TAOK1: variants seen among roughly 807,000 people sequenced by gnomAD.
The protein encoded by TAOK1 is serine/threonine-protein kinase TAO1.
Under a neutral mutation model 138.3 loss-of-function variants are expected in TAOK1, and 21 were observed. The ratio of observed to expected loss-of-function variants is 0.15; its 90% CI spans 0.11 to 0.22. TAOK1 has a LOEUF of 0.22. Ranked by LOEUF, TAOK1 falls within the 10% of genes least tolerant of loss-of-function variation. TAOK1 has a pLI of 1.00. For synonymous variants in TAOK1, 361 were observed against 398.4 expected, an observed-to-expected ratio of 0.91 and a Z score of 1.12; for missense variants, 651 against 1,227.7, an observed-to-expected ratio of 0.53 and a Z score of 7.02.
intron 1 of TAOK1, among the ~76,000 whole-genome samples, chr17:29,418,926 T>C (rs1383179153): frequency 2.8e-5 from 2 of 71,120 alleles, no homozygotes; most frequent in African/African-American, 1.0e-4. Context: ...TTCTGGGTGC[T>C]TTGCTTTTTT....
At chr17:29,452,570 C>T (rs976536362) in intron 2 of TAOK1, among the ~76,000 whole-genome samples, 1 of 152,098 alleles carries the variant, frequency 6.6e-6, no homozygotes, top group Non-Finnish European at 1.5e-5. Context: ...ACATTACCAC[C>T]ATCTACTTCT....
At chr17:29,399,741 C>G (rs1178167897) in intron 1 of TAOK1, among the ~76,000 whole-genome samples, 1 of 151,314 alleles carries the variant, frequency 6.6e-6, no homozygotes, top group Admixed American at 6.6e-5. Context: ...GAGTTTTTTT[C>G]TTTCTTTGGG....
intron 13 of TAOK1, among the ~76,000 whole-genome samples, chr17:29,506,112 G>T (rs1227962099): frequency 2.0e-5 from 3 of 152,038 alleles, no homozygotes. Flanking sequence ...TCCACTTCTG[G>T]GTACATATTT....
chr17:29,483,939 G>A (rs932624556), intron 8 of TAOK1, among the ~76,000 whole-genome samples: 2 of 152,022 alleles, frequency 1.3e-5, no homozygotes, highest in African/African-American at 4.8e-5. Flanking sequence ...TTGCCCATGG[G>A]GTCCTTTTAC....
chr17:29,391,367 C>T (rs1013198484), intron 1 of TAOK1, among the ~76,000 whole-genome samples: 1 of 152,146 alleles, frequency 6.6e-6, no homozygotes, highest in East Asian at 1.9e-4. Flanking sequence ...TGCTCCTCTT[C>T]TCCTTTGTAG....
intron 19 of TAOK1, among the ~76,000 whole-genome samples, chr17:29,536,415 CG>C (rs1320548516): frequency 2.6e-5 from 4 of 151,848 alleles, no homozygotes; most frequent in African/African-American, 7.3e-5. Context: ...CTGGCTAACA[CG>C]GTGAAACCCC....
intron 4 of TAOK1, among the ~76,000 whole-genome samples, chr17:29,476,148 G>A (rs2153026489): frequency 6.6e-6 from 1 of 152,292 alleles, no homozygotes; most frequent in South Asian, 2.1e-4. Context: ...GATGAAATTT[G>A]GGTGAATCCT....
At chr17:29,542,463 A>G (rs1413510217) in intron 19 of TAOK1, 98 bp from the exon 20 acceptor site, 11 of 1,070,706 alleles carry the variant, frequency 1.0e-5, no homozygotes, top group African/African-American at 1.6e-5. Flanking sequence ...ATATACATCC[A>G]TAAAATAACC....
chr17:29,399,784 G>A (rs1438095301), intron 1 of TAOK1, among the ~76,000 whole-genome samples: 1 of 152,110 alleles, frequency 6.6e-6, no homozygotes, highest in Non-Finnish European at 1.5e-5. Flanking sequence ...AGGCTGGAGT[G>A]CAGTGGTGAG....
chr17:29,470,154 G>A (rs1204729909), intron 3 of TAOK1, among the ~76,000 whole-genome samples: 1 of 152,150 alleles, frequency 6.6e-6, no homozygotes, highest in African/African-American at 2.4e-5. Flanking sequence ...TCTGGGTATG[G>A]ACCAAAGGAT....
At chr17:29,518,102 CG>C (rs1344217830) in intron 16 of TAOK1, among the ~76,000 whole-genome samples, 1 of 152,130 alleles carries the variant, frequency 6.6e-6, no homozygotes, top group Non-Finnish European at 1.5e-5. Context: ...GCGGTCTGCC[CG>C]TCTCAGCCTC....
chr17:29,466,787 A>G (rs1327794208), intron 2 of TAOK1, among the ~76,000 whole-genome samples: 8 of 147,268 alleles, frequency 5.4e-5, no homozygotes. Context: ...ATTCTTTCTT[A>G]AAAAGTTGTC....
At chr17:29,422,431 C>T (rs1015216485) in intron 1 of TAOK1, among the ~76,000 whole-genome samples, 12 of 148,818 alleles carry the variant, frequency 8.1e-5, no homozygotes, top group African/African-American at 3.0e-4. Context: ...CCAGGCTGGT[C>T]TCAAACTCCT....
In TAOK1 at chr17:29,489,773, A is replaced by G. The variant is rs946931310; in HGVS notation, c.749+16A>G. The G allele has an allele frequency of 6.5e-7, 1 of 1,531,630 alleles. No homozygotes were observed. Among genetic ancestry groups the G allele is most frequent in the Non-Finnish European group, 8.9e-7 (1 of 1,120,548 alleles). 94.9% of individuals were successfully genotyped at this position (1,531,630 alleles called of 1,614,324 possible). A position where few individuals can be genotyped will look rare whatever the true frequency, so the allele number is the denominator to read the frequency against. On this transcript the variant is annotated intron_variant, in intron 9 of 19. Transcript: ENST00000261716. Reference sequence around the variant, plus strand: ...CTAATGAATGGTGAGTATTGTTAATATATATATTGCTCAGTGTTGAATAAA... The same window carrying G: ...CTAATGAATGGTGAGTATTGTTAATGTATATATTGCTCAGTGTTGAATAAA...
intron 15 of TAOK1, chr17:29,512,816 G>C (rs544685003): frequency 5.9e-5 from 9 of 152,146 alleles, no homozygotes; most frequent in African/African-American, 2.2e-4. Flanking sequence ...CCGAGTAGCT[G>C]GGACTACAGG....
chr17:29,531,104 G>A (rs1004177852), intron 18 of TAOK1, among the ~76,000 whole-genome samples: 2 of 150,532 alleles, frequency 1.3e-5, no homozygotes, highest in African/African-American at 2.4e-5. Context: ...TGGGACTACA[G>A]GCGCCTGCCA....
intron 13 of TAOK1, 56 bp downstream of exon 13, chr17:29,502,779 T>C: frequency 1.3e-6 from 2 of 1,572,362 alleles, no homozygotes; most frequent in Non-Finnish European, 1.7e-6. Context: ...ACCTTGGCAA[T>C]ATAAACTCAA....
At chr17:29,464,716 A>G (rs2030615778) in intron 2 of TAOK1, among the ~76,000 whole-genome samples, 1 of 152,172 alleles carries the variant, frequency 6.6e-6, no homozygotes, top group Non-Finnish European at 1.5e-5. Flanking sequence ...CACCCTTTAC[A>G]GTGAATGGTA....
chr17:29,535,007 A>G (rs2032199446), intron 19 of TAOK1, among the ~76,000 whole-genome samples: 1 of 151,842 alleles, frequency 6.6e-6, no homozygotes, highest in Non-Finnish European at 1.5e-5. Context: ...AGAGGTAAAG[A>G]GAAGAAAGGC....
Sources: gnomAD v4.1 joint callset for allele counts (sites outside exome capture counted in the v4.1 genomes callset) on GRCh38, gnomAD v4.1.1 for gene constraint, MANE v1.5 for transcripts, NCBI Gene and HGNC (gene_info 2026-07-23, HGNC 2026-07-21) for gene names.